QTMAN: variants seen among roughly 807,000 people sequenced by gnomAD.
QTMAN encodes tRNA-queuosine alpha-mannosyltransferase.
At chr2:144,266,662 G>A in the QTMAN span, among the ~76,000 whole-genome samples, 1 of 152,200 alleles carries the variant, frequency 6.6e-6, no homozygotes, top group African/African-American at 2.4e-5. Flanking sequence ...ACAGTCACTT[G>A]CTTTGGGCAC....
the QTMAN span, among the ~76,000 whole-genome samples, chr2:144,067,077 G>C: frequency 2.0e-5 from 3 of 152,170 alleles, no homozygotes; most frequent in Non-Finnish European, 4.4e-5. Context: ...ACCTTGGCTA[G>C]ATGCTTTTAC....
At chr2:143,958,575 A>G in the QTMAN span, among the ~76,000 whole-genome samples, 3 of 152,042 alleles carry the variant, frequency 2.0e-5, no homozygotes, top group Non-Finnish European at 4.4e-5. Flanking sequence ...TATGGGGGAA[A>G]TGTAATTACC....
the QTMAN span, among the ~76,000 whole-genome samples, chr2:144,094,879 T>C: frequency 6.6e-6 from 1 of 152,238 alleles, no homozygotes; most frequent in Non-Finnish European, 1.5e-5. Context: ...GCATGAGACA[T>C]AGTGGGGCAG....
the QTMAN span, among the ~76,000 whole-genome samples, chr2:144,208,383 C>T: frequency 6.6e-6 from 1 of 152,126 alleles, no homozygotes; most frequent in Admixed American, 6.6e-5. Context: ...TGAGAAAACA[C>T]ATATGGTTGG....
the QTMAN span, among the ~76,000 whole-genome samples, chr2:144,000,204 T>C: frequency 6.6e-6 from 1 of 152,072 alleles, no homozygotes; most frequent in Non-Finnish European, 1.5e-5. Flanking sequence ...AATAGTGCTA[T>C]GTCAGAGGAT....
chr2:144,002,449 CAAG>C, the QTMAN span, among the ~76,000 whole-genome samples: 1 of 151,784 alleles, frequency 6.6e-6, no homozygotes, highest in African/African-American at 2.4e-5. Context: ...ACTTGTCACT[CAAG>C]GAGAAACAAG....
the QTMAN span, among the ~76,000 whole-genome samples, chr2:144,114,583 A>G: frequency 1.3e-5 from 2 of 152,346 alleles, no homozygotes; most frequent in African/African-American, 4.8e-5. Flanking sequence ...GTAGAACAAG[A>G]GCGTGTTTTA....
At chr2:144,227,583 T>C in the QTMAN span, among the ~76,000 whole-genome samples, 5 of 152,180 alleles carry the variant, frequency 3.3e-5, no homozygotes, top group African/African-American at 1.2e-4. Context: ...GTAGGCACTG[T>C]GCTAAGCGTA....
the QTMAN span, among the ~76,000 whole-genome samples, chr2:144,087,208 AAATGT>A: frequency 6.6e-6 from 1 of 152,154 alleles, no homozygotes; most frequent in African/African-American, 2.4e-5. Context: ...AGCTTTCCAT[AAATGT>A]AATGACTGAA....
At chr2:144,106,760 T>C in the QTMAN span, among the ~76,000 whole-genome samples, 2 of 152,176 alleles carry the variant, frequency 1.3e-5, no homozygotes, top group East Asian at 3.8e-4. Flanking sequence ...GTGGACCTAA[T>C]AGACATCTAC....
At chr2:144,006,146 TG>T in the QTMAN span, 1 of 152,146 alleles carries the variant, frequency 6.6e-6, no homozygotes, top group Non-Finnish European at 1.5e-5. Flanking sequence ...AAGGCTATGC[TG>T]GAAGTATGAA....
At chr2:144,131,028 A>G in the QTMAN span, among the ~76,000 whole-genome samples, 1 of 151,990 alleles carries the variant, frequency 6.6e-6, no homozygotes, top group East Asian at 1.9e-4. Context: ...CTCAGTTTTT[A>G]TCAATCAGTA....
chr2:143,938,921 G>T, the QTMAN span: 1 of 152,188 alleles, frequency 6.6e-6, no homozygotes, highest in Non-Finnish European at 1.5e-5. Flanking sequence ...TATACACAGG[G>T]TAAGAACATA....
At chr2:144,114,910 T>C in the QTMAN span, among the ~76,000 whole-genome samples, 6,731 of 152,160 alleles carry the variant, frequency 0.044, 496 homozygotes, top group African/African-American at 0.15. Flanking sequence ...GAATCAATCA[T>C]TGGAATTCAC....
At chr2:144,087,517 A>G in the QTMAN span, among the ~76,000 whole-genome samples, 2 of 152,244 alleles carry the variant, frequency 1.3e-5, no homozygotes, top group Admixed American at 1.3e-4. Flanking sequence ...CAACAAAAAA[A>G]CTACAGGACA....
chr2:143,970,766 G>A, the QTMAN span: 11 of 1,421,700 alleles, frequency 7.7e-6, no homozygotes, highest in Non-Finnish European at 1.1e-5. Context: ...ATGCTCCCTG[G>A]AAATAAACAC....
chr2:144,197,424 T>G, the QTMAN span, among the ~76,000 whole-genome samples: 1 of 152,086 alleles, frequency 6.6e-6, no homozygotes, highest in African/African-American at 2.4e-5. Context: ...AGAAAAATTT[T>G]AGAACATTTA....
At chr2:144,250,190 G>C in the QTMAN span, among the ~76,000 whole-genome samples, 5 of 151,604 alleles carry the variant, frequency 3.3e-5, no homozygotes, top group African/African-American at 4.8e-5. Flanking sequence ...GGCTGGAGTG[G>C]AATGGAGCCA....
chr2:144,276,041 CT>C, the QTMAN span, among the ~76,000 whole-genome samples: 1 of 151,994 alleles, frequency 6.6e-6, no homozygotes, highest in South Asian at 2.1e-4. Context: ...TAAAGACATA[CT>C]TTTTTCATTG....
Sources: gnomAD v4.1 joint callset for allele counts (sites outside exome capture counted in the v4.1 genomes callset) on GRCh38, gnomAD v4.1.1 for gene constraint, MANE v1.5 for transcripts, NCBI Gene and HGNC (gene_info 2026-07-23, HGNC 2026-07-21) for gene names.